The following DIDO1 variants were observed in gnomAD, a reference collection of about 807,000 sequenced individuals.
The protein encoded by DIDO1 is death-inducer obliterator 1.
Under a neutral mutation model 99.4 loss-of-function variants are expected in DIDO1, and 16 were observed. That is an observed-to-expected ratio of 0.16 (90% CI 0.11 to 0.24). The LOEUF is 0.24. Ranked by LOEUF, DIDO1 falls within the 10% of genes least tolerant of loss-of-function variation. The pLI, the probability that DIDO1 is intolerant of heterozygous loss-of-function variation, is 1.00. For missense variants in DIDO1, 2,996 were observed against 3,014.0 expected, an observed-to-expected ratio of 0.99 and a Z score of 0.14; for synonymous variants, 1,366 against 1,239.1, an observed-to-expected ratio of 1.10 and a Z score of -2.15.
rs374096432 is a variant in DIDO1, at chr20:62,889,567, G to A, written c.3541+1393C>T. On this transcript the variant is annotated intron_variant, in intron 15 of 15. Transcript: ENST00000395343. The stretch of plus-strand genomic sequence containing the variant: ...AGTGTCTGCACTGAGTGCACACACT[G>A]TCGCACTTGCAACTGACCAGTGGGT... The A allele has an allele frequency of 9.1e-6, 9 of 985,316 alleles. No individual in the cohort carries two copies. The East Asian group carries it at 3.4e-4, about 37-fold the overall frequency. 61.0% of individuals were successfully genotyped at this position (985,316 alleles called of 1,614,324 possible).
At position 62,879,523 on chromosome 20, in the gene DIDO1, G is replaced by A. The variant is rs770792397; in HGVS notation, c.6433C>T (p.Arg2145Trp). Residue 2145 changes from arginine to tryptophan, a missense_variant, in exon 16 of 16, where the codon CGG becomes TGG. This residue lies in a region of DIDO1 where 1,562 missense variants were observed against 1,412.6 expected (regional missense o/e 1.11). Transcript: ENST00000395343. This position sits in a 1 kb window ranked among gnomAD's most constrained non-coding sequence, Gnocchi z 6.3. ...WDRHRDKDSS[R>W]DWDRNRERSA... ...CTCTCCCGGTTTCTGTCCCAGTCCC[G>A]GCTGGAGTCCTTGTCCCGGTGTCGG... 5 of 1,599,484 alleles carry A rather than the reference G, an allele frequency of 3.1e-6. No individual in the cohort carries two copies. The highest frequency in any genetic ancestry group is 4.2e-6 in the Non-Finnish European group (5 of 1,179,128).
chr20:62,917,410 TAAA>T (rs1236021959), intron 1 of DIDO1, among the ~76,000 whole-genome samples: 1 of 152,228 alleles, frequency 6.6e-6, no homozygotes, highest in African/African-American at 2.4e-5. Flanking sequence ...ACAAGTTTTC[TAAA>T]ATTCCAATTT....
intron 2 of DIDO1, among the ~76,000 whole-genome samples, chr20:62,913,170 G>GCCCCCCAGGGCA (rs2064978528): frequency 6.6e-6 from 1 of 152,086 alleles, no homozygotes; most frequent in Admixed American, 6.5e-5. Flanking sequence ...TGGCCTCCAC[G>GCCCCCCAGGGCA]CTCTGTAAAC....
chr20:62,886,273 G>C (rs2147367956), intron 15 of DIDO1, among the ~76,000 whole-genome samples: 1 of 152,380 alleles, frequency 6.6e-6, no homozygotes, highest in East Asian at 1.9e-4. Context: ...CCTGGAACAA[G>C]GGTGTGGATG....
At position 62,894,580 on chromosome 20, in the gene DIDO1, G is replaced by C; in HGVS notation, c.2437-32C>G. 6.3e-7 allele frequency: 1 copy of C among 1,597,410 alleles called. No individual in the cohort carries two copies. The highest frequency in any genetic ancestry group is 1.7e-5 in the Admixed American group (1 of 59,068). On this transcript the variant is annotated intron_variant, in intron 10 of 15. Coordinates refer to ENST00000395343, the MANE Select transcript of DIDO1 (RefSeq NM_001193369.2). The surrounding 1 kb of genome is among the most constrained non-coding windows in gnomAD (Gnocchi z 4.4). ...AAGAAAAAGAAAAAAAAGTGAGGTC[G>C]TTTCTTCTCCAAACTCAGCTCCAAA...
intron 4 of DIDO1, 130 bp downstream of exon 4, chr20:62,909,569 G>A (rs939362193): frequency 1.9e-6 from 2 of 1,062,934 alleles, no homozygotes; most frequent in South Asian, 1.5e-5. Flanking sequence ...GGTGGAGTGA[G>A]GCAGGAACCC....
upstream of DIDO1, among the ~76,000 whole-genome samples, chr20:62,930,577 A>G (rs2065323521): frequency 6.6e-6 from 1 of 152,256 alleles, no homozygotes; most frequent in Admixed American, 6.5e-5. Context: ...CTTTTAGACA[A>G]AAGAATAAAT....
chr20:62,921,877 AATATATATACACACT>A (rs2065144310), intron 1 of DIDO1, among the ~76,000 whole-genome samples: 3 of 150,522 alleles, frequency 2.0e-5, no homozygotes, highest in Admixed American at 2.0e-4. Context: ...ATATATCCAC[AATATATATACACACT>A]ATATATATAT....
At chr20:62,905,298 G>A (rs188596680) in intron 6 of DIDO1, 8 of 1,398,602 alleles carry the variant, frequency 5.7e-6, no homozygotes, top group South Asian at 1.6e-5. Flanking sequence ...TTCGAAGTTC[G>A]AATGTGTTCA....
rs1406699090 is a variant in DIDO1 at position 62,879,933 on chromosome 20, C to T, written c.6023G>A (p.Arg2008Gln). Residue 2008 changes from arginine to glutamine, a missense_variant, in exon 16 of 16, where the codon CGA (arginine) becomes CAA (glutamine). Transcript: ENST00000395343. The surrounding 1 kb of genome is among the most constrained non-coding windows in gnomAD (Gnocchi z 6.3). ...CGGGGCCTGGCCCTGGAAGTGAAAT[C>T]GCGAAGGGGTCTGCTCATTTTTTTC... is the stretch of plus-strand genomic sequence containing the variant. ...FSEKNEQTPS[R>Q]FHFQGQAPQV... 1 of 1,597,172 alleles carries T rather than the reference C, an allele frequency of 6.3e-7. No homozygotes were observed. Among genetic ancestry groups the T allele is most frequent in the Middle Eastern group, 1.7e-4 (1 of 5,946 alleles).
chr20:62,893,059 T>G, intron 12 of DIDO1, 97 bp from the exon 13 acceptor site: 2 of 1,339,912 alleles, frequency 1.5e-6, no homozygotes, highest in Non-Finnish European at 2.0e-6. Context: ...CAGGATCTCA[T>G]TCTGTCATGC....
rs757476471 is a variant in DIDO1 at position 62,881,602 on chromosome 20, C to T, written c.4354G>A (p.Val1452Met). 2 of 1,612,102 alleles carry T rather than the reference C, an allele frequency of 1.2e-6. No individual in the cohort carries two copies. Among genetic ancestry groups the T allele is most frequent in the Non-Finnish European group, 1.7e-6 (2 of 1,180,042 alleles). Residue 1452 changes from valine to methionine, a missense_variant, in exon 16 of 16, where the codon GTG becomes ATG. Around this residue, in one of 5 missense-constraint regions of DIDO1, gnomAD observed 1,562 missense variants for 1,412.6 expected, o/e 1.11. Coordinates refer to ENST00000395343, the MANE Select transcript of DIDO1 (RefSeq NM_001193369.2). The surrounding 1 kb of genome is among the most constrained non-coding windows in gnomAD (Gnocchi z 8.3). ...GGCCTCTCCACGGAGTTCCTTCTCA[C>T]GTCGGCACACATCCTGTTGGGCAGG... ...DDLPNRMCAD[V>M]RRNSVERPAE...
chr20:62,907,629 T>C (rs1481952046), intron 4 of DIDO1, among the ~76,000 whole-genome samples: 2 of 152,206 alleles, frequency 1.3e-5, no homozygotes, highest in Non-Finnish European at 2.9e-5. Flanking sequence ...TGCACCCCTC[T>C]CGAGGGTGGG....
intron 1 of DIDO1, among the ~76,000 whole-genome samples, chr20:62,921,965 T>C (rs1038207997): frequency 6.7e-6 from 1 of 150,138 alleles, no homozygotes; most frequent in Admixed American, 6.7e-5. Context: ...CCACAATATA[T>C]ATACACACTA....
intron 1 of DIDO1, among the ~76,000 whole-genome samples, chr20:62,921,636 T>C (rs1021144406): frequency 7.3e-5 from 11 of 150,556 alleles, no homozygotes; most frequent in Non-Finnish European, 1.6e-4. Flanking sequence ...CAGCCAATTT[T>C]TTTTTTTTTT....
chr20:62,912,694 C>G (rs566036142), intron 2 of DIDO1, among the ~76,000 whole-genome samples: 6 of 152,260 alleles, frequency 3.9e-5, no homozygotes, highest in Non-Finnish European at 8.8e-5. Flanking sequence ...ATGCCATGTT[C>G]CATCCTGGGG....
chr20:62,916,299 T>C (rs1235789028), intron 1 of DIDO1, among the ~76,000 whole-genome samples: 1 of 152,138 alleles, frequency 6.6e-6, no homozygotes, highest in East Asian at 1.9e-4. Context: ...AAATTTAATA[T>C]TTCCACATTT....
chr20:62,900,433 G>C (rs2064642565), intron 6 of DIDO1, among the ~76,000 whole-genome samples: 2 of 152,218 alleles, frequency 1.3e-5, no homozygotes, highest in Admixed American at 1.3e-4. Flanking sequence ...GCCACTGGGT[G>C]GCACCAGGGC....
At position 62,905,903 on chromosome 20, in the gene DIDO1, C is replaced by A; in HGVS notation, c.1572G>T (p.Pro524=). Residue 524 remains proline (P), a synonymous_variant, in exon 6 of 16, where the codon CCG becomes CCT. Transcript: ENST00000395343. ...VKPEKTAAPS[P]SLLYKSTKED... is the part of the protein sequence containing the mutation. ...GATACATACATTTATACAACAGTGA[C>A]GGCGAGGGAGCAGCAGTCTTTTCTG... is the stretch of plus-strand genomic sequence containing the variant. 1 of 1,614,134 alleles carries A rather than the reference C, an allele frequency of 6.2e-7. No individual in the cohort carries two copies. Among genetic ancestry groups the A allele is most frequent in the Non-Finnish European group, 8.5e-7 (1 of 1,180,038 alleles).
Sources: allele counts gnomAD v4.1 joint callset (sites outside exome capture counted in the v4.1 genomes callset), GRCh38; gene constraint gnomAD v4.1.1; regional missense constraint gnomAD v4.1.1; non-coding constraint Gnocchi (gnomAD v3.1); transcripts MANE v1.5; gene names NCBI Gene and HGNC (gene_info 2026-07-23, HGNC 2026-07-21).